MAP2: variants seen among roughly 807,000 people sequenced by gnomAD.
MAP2 encodes the protein microtubule-associated protein 2.
MAP2 carries 14 observed loss-of-function variants against 137.6 expected under a neutral mutation model. That is an observed-to-expected ratio of 0.10 (90% CI 0.07 to 0.16). The LOEUF (loss-of-function observed/expected upper bound fraction) is 0.16. Among genes scored for constraint, MAP2 ranks in the 10% least tolerant of loss-of-function variants. The pLI, the probability that MAP2 is intolerant of heterozygous loss-of-function variation, is 1.00. For synonymous variants in MAP2, 786 were observed against 782.3 expected (o/e 1.00, Z -0.08); for missense variants, 2,088 against 2,191.5 (o/e 0.95, Z 0.94).
intron 3 of MAP2, among the ~76,000 whole-genome samples, chr2:209,595,465 C>T (rs1462348306): frequency 1.3e-5 from 2 of 152,146 alleles, no homozygotes; most frequent in African/African-American, 4.8e-5. Context: ...ACAACAGATG[C>T]TGGAGAGGAG....
At chr2:209,433,357 G>C (rs909479621) in intron 1 of MAP2, among the ~76,000 whole-genome samples, 1 of 152,044 alleles carries the variant, frequency 6.6e-6, no homozygotes, top group African/African-American at 2.4e-5. Context: ...GTGAGAGAGA[G>C]TAGCCTCAAA....
intron 11 of MAP2, among the ~76,000 whole-genome samples, chr2:209,703,128 T>C (rs1052126433): frequency 6.6e-6 from 1 of 152,080 alleles, no homozygotes; most frequent in African/African-American, 2.4e-5. Flanking sequence ...GTCCTGACTT[T>C]CCTTTTTAGA....
intron 3 of MAP2, among the ~76,000 whole-genome samples, chr2:209,601,581 G>A (rs1489343179): frequency 6.6e-6 from 1 of 152,076 alleles, no homozygotes; most frequent in Non-Finnish European, 1.5e-5. Flanking sequence ...GCTATAAAGG[G>A]GTGGTCCTGG....
At chr2:209,668,100 G>T (rs2047135586) in intron 5 of MAP2, among the ~76,000 whole-genome samples, 1 of 152,060 alleles carries the variant, frequency 6.6e-6, no homozygotes, top group South Asian at 2.1e-4. Context: ...GACAACCAGA[G>T]CTATTTCAAT....
chr2:209,696,110 C>T lies in MAP2; in HGVS notation c.3940C>T (p.Leu1314=). ...SGSHSVRFAA[L]EQPEVERRPS... is the part of the protein sequence containing the mutation. ...GTCCCACAGCGTGCGTTTTGCAGCC[C>T]TAGAGCAGCCTGAGGTGGAAAGGAG... is the stretch of plus-strand genomic sequence containing the variant. Residue 1314 remains leucine (L), a synonymous_variant, in exon 8 of 16, where the codon CTA becomes TTA. Transcript: ENST00000682079. 1 of 1,613,708 alleles carries T rather than the reference C, an allele frequency of 6.2e-7. No homozygotes were observed. Among genetic ancestry groups the T allele is most frequent in the Non-Finnish European group, 8.5e-7 (1 of 1,179,830 alleles).
intron 11 of MAP2, chr2:209,703,945 G>A (rs1162224888): frequency 4.6e-5 from 21 of 454,576 alleles, no homozygotes; most frequent in South Asian, 3.3e-4. Flanking sequence ...TTATTTTTGT[G>A]TTTTATTTGT....
intron 3 of MAP2, among the ~76,000 whole-genome samples, chr2:209,620,611 G>A (rs2090844202): frequency 6.6e-6 from 1 of 152,152 alleles, no homozygotes; most frequent in African/African-American, 2.4e-5. Context: ...GCACATTAGG[G>A]AGTAGAACTG....
intron 1 of MAP2, among the ~76,000 whole-genome samples, chr2:209,482,954 A>T (rs941915716): frequency 3.3e-5 from 5 of 152,202 alleles, no homozygotes; most frequent in Non-Finnish European, 4.4e-5. Flanking sequence ...TGTCATTCCT[A>T]CAGCTGTCCT....
chr2:209,593,632 AAAATATATATATATATATATATAT>A (rs1419964673), intron 3 of MAP2, among the ~76,000 whole-genome samples: 2 of 61,120 alleles, frequency 3.3e-5, no homozygotes, highest in South Asian at 1.0e-3. Context: ...AAAAAAAAAA[AAAATATATATATATATATATATAT>A]ATATATATAT....
At chr2:209,530,923 C>T (rs938785824) in intron 2 of MAP2, among the ~76,000 whole-genome samples, 2 of 152,120 alleles carry the variant, frequency 1.3e-5, no homozygotes, top group African/African-American at 4.8e-5. Context: ...TTTATTAGCA[C>T]AGTATTCAAT....
intron 2 of MAP2, among the ~76,000 whole-genome samples, chr2:209,509,992 T>A (rs1290527270): frequency 6.6e-6 from 1 of 151,242 alleles, no homozygotes; most frequent in Non-Finnish European, 1.5e-5. Flanking sequence ...ATTACTGAAT[T>A]TAGACTGGAA....
At chr2:209,686,905 TGTATC>T (rs2057214267) in intron 7 of MAP2, among the ~76,000 whole-genome samples, 1 of 152,092 alleles carries the variant, frequency 6.6e-6, no homozygotes, top group Non-Finnish European at 1.5e-5. Context: ...TTTAGCTAAT[TGTATC>T]TCTGCTAAGC....
At chr2:209,549,743 A>C (rs747819556) in intron 2 of MAP2, among the ~76,000 whole-genome samples, 18 of 152,204 alleles carry the variant, frequency 1.2e-4, no homozygotes, top group Non-Finnish European at 2.2e-4. Context: ...TAACAGGACT[A>C]GACTGAATAG....
At position 209,694,088 on chromosome 2, in the gene MAP2, C is replaced by T. The variant is rs1318957337; in HGVS notation, c.1918C>T (p.Leu640Phe). The T allele has an allele frequency of 6.2e-7, 1 of 1,613,632 alleles. No homozygotes were observed. The highest frequency in any genetic ancestry group is 8.5e-7 in the Non-Finnish European group (1 of 1,179,840). Residue 640 changes from leucine (L) to phenylalanine (F), a missense_variant, in exon 8 of 16, where the codon CTC (leucine) becomes TTC (phenylalanine). Around this residue, in one of 6 missense-constraint regions of MAP2, gnomAD observed 859 missense variants for 794.5 expected, o/e 1.08. Coordinates refer to ENST00000682079, the MANE Select transcript of MAP2 (RefSeq NM_001375505.1). ...AGCACAAGAAGCAGGGTACAGCACT[C>T]TCGCACAGAGTTATCCATCAGATTT... The part of the protein sequence containing the change: ...PPAQEAGYST[L>F]AQSYPSDLPE...
At chr2:209,435,039 AATATTGAG>A (rs1189306490) in intron 1 of MAP2, among the ~76,000 whole-genome samples, 1 of 149,690 alleles carries the variant, frequency 6.7e-6, no homozygotes, top group African/African-American at 2.4e-5. Context: ...TGGGCTTTTT[AATATTGAG>A]ATATTACTAA....
chr2:209,522,354 A>G (rs951329955), intron 2 of MAP2, among the ~76,000 whole-genome samples: 1 of 152,170 alleles, frequency 6.6e-6, no homozygotes, highest in Non-Finnish European at 1.5e-5. Flanking sequence ...AGAGTATCAT[A>G]GATGCAGGAA....
At chr2:209,692,499 G>T in intron 7 of MAP2, 126 bp from the exon 8 acceptor site, 1 of 989,610 alleles carries the variant, frequency 1.0e-6, no homozygotes, top group Non-Finnish European at 1.5e-6. Flanking sequence ...TGGGTAGCAT[G>T]CTTGCATGTT....
chr2:209,435,016 T>A (rs1559157921), intron 1 of MAP2, among the ~76,000 whole-genome samples: 1 of 149,080 alleles, frequency 6.7e-6, no homozygotes, highest in African/African-American at 2.5e-5. Context: ...TTCTTGGAAT[T>A]ATATCCAAAA....
At chr2:209,438,563 ATAT>A (rs2149370130) in intron 1 of MAP2, among the ~76,000 whole-genome samples, 1 of 151,752 alleles carries the variant, frequency 6.6e-6, no homozygotes, top group African/African-American at 2.4e-5. Context: ...CTTTCTCAAA[ATAT>A]TATGCACCTT....
Sources: allele counts gnomAD v4.1 joint callset (sites outside exome capture counted in the v4.1 genomes callset), GRCh38; gene constraint gnomAD v4.1.1; regional missense constraint gnomAD v4.1.1; transcripts MANE v1.5; gene names NCBI Gene and HGNC (gene_info 2026-07-23, HGNC 2026-07-21).